DSTYK: variants seen among roughly 807,000 people sequenced by gnomAD.
DSTYK encodes the protein dual serine/threonine and tyrosine protein kinase, also known as RIP-homologous kinase.
DSTYK carries 34 observed loss-of-function variants against 98.7 expected under a neutral mutation model. That is an observed-to-expected ratio of 0.34 (90% CI 0.26 to 0.46). The LOEUF (loss-of-function observed/expected upper bound fraction) is 0.46, where lower values mean the gene tolerates loss of function less well. DSTYK is among the 20% of genes least tolerant of loss of function. The pLI is 1.00. For missense variants in DSTYK, 962 were observed against 1,181.7 expected (o/e 0.81, Z 2.73); for synonymous variants, 462 against 457.3 (o/e 1.01, Z -0.13).
At chr1:205,180,052 A>G (rs1022112583) in intron 2 of DSTYK, among the ~76,000 whole-genome samples, 5 of 152,238 alleles carry the variant, frequency 3.3e-5, no homozygotes, top group African/African-American at 1.2e-4. Context: ...CTGGAAGGCC[A>G]GAGATGAATC....
intron 3 of DSTYK, among the ~76,000 whole-genome samples, chr1:205,168,439 A>C (rs1250289712): frequency 6.6e-6 from 1 of 152,218 alleles, no homozygotes; most frequent in East Asian, 1.9e-4. Flanking sequence ...GTCCCATGTC[A>C]GAAATCGTGA....
chr1:205,207,755 C>CAAAA lies in DSTYK; in HGVS notation c.265+3512_265+3515dup, dbSNP rs766036213. 3.0e-4 allele frequency among the ~76,000 whole-genome samples: 16 copies of CAAAA among 52,726 alleles called. 2 individuals carry two copies. The highest frequency in any genetic ancestry group is 9.4e-4 in the African/African-American group (9 of 9,538). 34.6% of individuals were successfully genotyped at this position (52,726 alleles called of 152,430 possible). A position where few individuals can be genotyped will look rare whatever the true frequency, so the allele number is the denominator to read the frequency against. The stretch of plus-strand genomic sequence containing the variant: ...TGGGCAATACAGAGAGACTCTGTCT[C>CAAAA]AAAAAAAAAAAAAAAAAAAAAAAAA... On this transcript the variant is annotated intron_variant, in intron 1 of 12. Transcript: ENST00000367162.
At chr1:205,156,635 C>T (rs1213847955) in intron 10 of DSTYK, among the ~76,000 whole-genome samples, 1 of 152,194 alleles carries the variant, frequency 6.6e-6, no homozygotes, top group Non-Finnish European at 1.5e-5. Flanking sequence ...ATTTTACAGG[C>T]TCACAGGCAG....
chr1:205,173,832 C>T (rs1658144254), intron 2 of DSTYK, among the ~76,000 whole-genome samples: 1 of 152,166 alleles, frequency 6.6e-6, no homozygotes, highest in South Asian at 2.1e-4. Context: ...GATTCTCCTG[C>T]CTCAGCTTCC....
rs1354785122 is a variant in DSTYK at position 205,147,086 on chromosome 1, T to G, written c.*472A>C. 1 of 153,370 alleles carries G rather than the reference T, an allele frequency of 6.5e-6. No individual in the cohort carries two copies. Among genetic ancestry groups the G allele is most frequent in the Non-Finnish European group, 1.5e-5 (1 of 68,566 alleles). 9.5% of individuals were successfully genotyped at this position (153,370 alleles called of 1,614,324 possible). On this transcript the variant is annotated 3_prime_UTR_variant, in exon 13 of 13. Coordinates refer to ENST00000367162, the MANE Select transcript of DSTYK (RefSeq NM_015375.3). ...CAGGAACCAGACATCCACAAGTTAT[T>G]GTTTTTGTCCCCATGTTTTCATAAT...
chr1:205,207,755 CAAAAAAAAAAAAAAAAAAAAAAAAAAA>C (rs766036213), intron 1 of DSTYK, among the ~76,000 whole-genome samples: 13 of 52,728 alleles, frequency 2.5e-4, no homozygotes, highest in African/African-American at 1.4e-3. Flanking sequence ...GACTCTGTCT[CAAAAAAAAAAAAAAAAAAAAAAAAAAA>C]AAAAAAAAAA....
intron 6 of DSTYK, 111 bp downstream of exon 6, chr1:205,161,925 C>T (rs1011392654): frequency 9.0e-5 from 79 of 882,624 alleles, no homozygotes; most frequent in African/African-American, 1.1e-4. Flanking sequence ...TATGTATACA[C>T]ACACAGACAC....
intron 1 of DSTYK, among the ~76,000 whole-genome samples, chr1:205,190,615 CAAAAAA>C (rs760042971): frequency 8.3e-5 from 6 of 71,920 alleles, no homozygotes; most frequent in Non-Finnish European, 1.2e-4. Context: ...GACTCCATCT[CAAAAAA>C]AAAAAAAAAA....
intron 1 of DSTYK, among the ~76,000 whole-genome samples, chr1:205,195,557 C>T (rs1217359026): frequency 6.6e-6 from 1 of 152,212 alleles, no homozygotes; most frequent in Non-Finnish European, 1.5e-5. Flanking sequence ...CTTTCAGAAT[C>T]TTCAGGACCA....
Position 205,209,796 on chromosome 1 carries a change from C to T in DSTYK, c.265+1475G>A, listed in dbSNP as rs190130514. ...TCAGAACAATTCATCCAGTTCTAAG[C>T]CTTGTGTTCAAATTTGCTATGAGCA... On this transcript the variant is annotated intron_variant, in intron 1 of 12. Transcript: ENST00000367162. Among the ~76,000 whole-genome samples the T allele has an allele frequency of 2.0e-4, 31 of 152,158 alleles. No individual in the cohort carries two copies. The East Asian group carries it at 5.8e-3, about 28-fold the overall frequency.
rs748677328 is a variant in DSTYK, at chr1:205,187,819, G to C, written c.266-13C>G. ...CAGCTCAGTTGGCCTGGTTGGGGAA[G>C]GGGAGAGTGGAGGAAGAGAAAGGAG... On this transcript the variant is annotated splice_polypyrimidine_tract_variant and intron_variant, in intron 1 of 12. Transcript: ENST00000367162. 3 of 1,597,492 alleles carry C rather than the reference G, an allele frequency of 1.9e-6. No individual in the cohort carries two copies. The South Asian group carries it at 3.4e-5, about 18-fold the overall frequency.
chr1:205,162,908 A>G lies in DSTYK; in HGVS notation c.1641+15T>C. On this transcript the variant is annotated intron_variant, in intron 5 of 12. Transcript: ENST00000367162. ...CTAGGGGCTTTGAAATCTTTCTCTA[A>G]GTAATAATCCCTACCTGTTTGATTT... The G allele has an allele frequency of 6.2e-7, 1 of 1,600,284 alleles. No individual in the cohort carries two copies. The highest frequency in any genetic ancestry group is 8.6e-7 in the Non-Finnish European group (1 of 1,167,328).
chr1:205,169,129 G>A lies in DSTYK; in HGVS notation c.1324+34C>T, dbSNP rs374813954. 4.6e-4 allele frequency: 704 copies of A among 1,527,148 alleles called. 1 individual carries two copies. Among genetic ancestry groups the A allele is most frequent in the South Asian group, 1.5e-3 (113 of 77,518 alleles). 94.6% of individuals were successfully genotyped at this position (1,527,148 alleles called of 1,614,324 possible). Reference sequence around the variant, plus strand: ...TAGAAAATGGTTAGAGACTCCTCCCGTGCCAGCACCCCAACAAGCTCTCTG... The same window carrying A: ...TAGAAAATGGTTAGAGACTCCTCCCATGCCAGCACCCCAACAAGCTCTCTG... On this transcript the variant is annotated intron_variant, in intron 3 of 12. Transcript: ENST00000367162. The surrounding 1 kb of genome is among the most constrained non-coding windows in gnomAD (Gnocchi z 4.0).
At chr1:205,196,711 A>C (rs1199880593) in intron 1 of DSTYK, among the ~76,000 whole-genome samples, 3 of 152,114 alleles carry the variant, frequency 2.0e-5, no homozygotes, top group Non-Finnish European at 4.4e-5. Context: ...CAAAGGAAAA[A>C]AATGGTGAAT....
chr1:205,178,212 G>T lies in DSTYK; in HGVS notation c.655-8380C>A, dbSNP rs72741195. 7.2e-3 allele frequency among the ~76,000 whole-genome samples: 1,095 copies of T among 151,878 alleles called. 6 individuals are homozygous for T. Among genetic ancestry groups the T allele is most frequent in the Non-Finnish European group, 0.01 (697 of 67,984 alleles). On this transcript the variant is annotated intron_variant, in intron 2 of 12. Transcript: ENST00000367162. Reference sequence around the variant, plus strand: ...TAATCCCAAACACCCCAAAGCAAAGGCTTTAGCTCTGATTCTCAACTCATG... The same window carrying T: ...TAATCCCAAACACCCCAAAGCAAAGTCTTTAGCTCTGATTCTCAACTCATG...
chr1:205,201,679 G>A (rs1659045268), intron 1 of DSTYK, among the ~76,000 whole-genome samples: 1 of 152,074 alleles, frequency 6.6e-6, no homozygotes. Flanking sequence ...GCACTACTGG[G>A]GGTACAAAAT....
chr1:205,153,299 A>C (rs1657454191), intron 10 of DSTYK, among the ~76,000 whole-genome samples: 1 of 152,166 alleles, frequency 6.6e-6, no homozygotes, highest in African/African-American at 2.4e-5. Context: ...TTACAATTCA[A>C]ATTACAGGAC....
At chr1:205,151,086 G>A (rs1320512452) in intron 10 of DSTYK, among the ~76,000 whole-genome samples, 1 of 152,168 alleles carries the variant, frequency 6.6e-6, no homozygotes, top group East Asian at 1.9e-4. Flanking sequence ...TGGTATTTGT[G>A]TATCTAAACA....
chr1:205,150,812 C>A lies in DSTYK; in HGVS notation c.2353-18G>T. Reference sequence around the variant, plus strand: ...TTATCCAGCTGCCAACAAAGCAGGGCAAGAGTCACCTTGTTTCTGATCCTG... The same window carrying A: ...TTATCCAGCTGCCAACAAAGCAGGGAAAGAGTCACCTTGTTTCTGATCCTG... On this transcript the variant is annotated intron_variant, in intron 10 of 12. Transcript: ENST00000367162. This position sits in a 1 kb window ranked among gnomAD's most constrained non-coding sequence, Gnocchi z 4.1. 1.2e-6 allele frequency: 2 copies of A among 1,600,806 alleles called. No individual in the cohort carries two copies. The highest frequency in any genetic ancestry group is 8.6e-7 in the Non-Finnish European group (1 of 1,168,014).
Sources: allele counts gnomAD v4.1 joint callset (sites outside exome capture counted in the v4.1 genomes callset), GRCh38; gene constraint gnomAD v4.1.1; non-coding constraint Gnocchi (gnomAD v3.1); transcripts MANE v1.5; gene names NCBI Gene and HGNC (gene_info 2026-07-23, HGNC 2026-07-21).